TP53RK: variants seen among roughly 807,000 people sequenced by gnomAD.
The protein encoded by TP53RK is TP53 regulating kinase, also known as EKC/KEOPS complex subunit TP53RK.
Under a neutral mutation model 14.9 loss-of-function variants are expected in TP53RK, and 17 were observed. The ratio of observed to expected loss-of-function variants is 1.14; its 90% CI spans 0.78 to 1.71. TP53RK has a LOEUF of 1.71. Ranked by LOEUF, TP53RK falls within the 40% of genes most tolerant of loss-of-function variation. The pLI, the probability that TP53RK is intolerant of heterozygous loss-of-function variation, is 0.00. For missense variants in TP53RK, 343 were observed against 332.0 expected, an observed-to-expected ratio of 1.03 and a Z score of -0.26; for synonymous variants, 131 against 138.0, an observed-to-expected ratio of 0.95 and a Z score of 0.36.
chr20:46,688,305 T>C (rs1600644239), intron 1 of TP53RK, among the ~76,000 whole-genome samples: 1 of 152,142 alleles, frequency 6.6e-6, no homozygotes, highest in African/African-American at 2.4e-5. Flanking sequence ...TGGTACCCAC[T>C]GGTACCTAAA....
At chr20:46,689,075 C>T (rs1600644592) in intron 1 of TP53RK, 57 bp downstream of exon 1, 6 of 1,341,394 alleles carry the variant, frequency 4.5e-6, no homozygotes, top group East Asian at 3.1e-5. Flanking sequence ...GAGTCCCTCA[C>T]CCGCCCAGGC....
chr20:46,687,785 T>C (rs1047894121), intron 1 of TP53RK, among the ~76,000 whole-genome samples: 1 of 152,114 alleles, frequency 6.6e-6, no homozygotes, highest in African/African-American at 2.4e-5. Context: ...GGTGACAAAG[T>C]GAGACACTGT....
Position 46,685,675 on chromosome 20 carries a change from T to C in TP53RK, c.*1078A>G, listed in dbSNP as rs758731370. ...GGCGCTGTGTCTGTCTGGCTCACCA[T>C]TGTACCCAATACCCAACAGGGTGCC... On this transcript the variant is annotated 3_prime_UTR_variant, in exon 2 of 2. Coordinates refer to ENST00000372114, the MANE Select transcript of TP53RK (RefSeq NM_033550.4). 7 of 152,226 alleles carry C rather than the reference T, an allele frequency of 4.6e-5. No homozygotes were observed. The highest frequency in any genetic ancestry group is 8.8e-5 in the Non-Finnish European group (6 of 68,038). The allele number at this position is 152,226 out of a possible 1,614,324, so 9.4% of individuals were successfully genotyped here. A position where few individuals can be genotyped will look rare whatever the true frequency, so the allele number is the denominator to read the frequency against.
In TP53RK at chr20:46,689,435, C is replaced by G; in HGVS notation, c.-21G>C. On this transcript the variant is annotated 5_prime_UTR_variant, in exon 1 of 2. Transcript: ENST00000372114. ...GCCATGACTGCTCGGCGCAACAGCT[C>G]CAACCGATCAGCTGTCTCTGAAAAC... The G allele has an allele frequency of 6.6e-7, 1 of 1,509,626 alleles. No individual in the cohort carries two copies. The highest frequency in any genetic ancestry group is 8.8e-7 in the Non-Finnish European group (1 of 1,141,150). 93.5% of individuals were successfully genotyped at this position (1,509,626 alleles called of 1,614,324 possible).
chr20:46,689,248 G>T lies in TP53RK; in HGVS notation c.167C>A (p.Ala56Glu). The T allele has an allele frequency of 3.9e-6, 6 of 1,532,982 alleles. No homozygotes were observed. The highest frequency in any genetic ancestry group is 5.2e-6 in the Non-Finnish European group (6 of 1,146,304). The allele number at this position is 1,532,982 out of a possible 1,614,324, so 95.0% of individuals were successfully genotyped here. A position where few individuals can be genotyped will look rare whatever the true frequency, so the allele number is the denominator to read the frequency against. The change falls in exon 1 of 2, where the codon GCG (alanine) becomes GAG (glutamate). Residue 56 changes from alanine (A) to glutamate (E), a missense_variant. Physicochemically the swap from Ala to Glu is moderately radical, Grantham distance 107. Coordinates refer to ENST00000372114, the MANE Select transcript of TP53RK (RefSeq NM_033550.4). ...RVFRGRFQGRAAVIKHRFPKG... is the reference protein window; with the variant it reads ...RVFRGRFQGREAVIKHRFPKG... The stretch of plus-strand genomic sequence containing the variant: ...GGGGAAGCGGTGCTTGATCACCGCC[G>T]CGCGGCCCTGGAAGCGGCCACGGAA...
rs34983477 is a variant in TP53RK, at chr20:46,687,147, C to T, written c.368G>A (p.Arg123Gln). Residue 123 changes from arginine (R) to glutamine (Q), a missense_variant, in exon 2 of 2, where the codon CGA (arginine) becomes CAA (glutamine). Coordinates refer to ENST00000372114, the MANE Select transcript of TP53RK (RefSeq NM_033550.4). ...CTCCATAGTGGACTGAATATAATCT[C>T]GAACAGTCACTGAGCCTTCAATTTC... ...MEEIEGSVTV[R>Q]DYIQSTMETE... The T allele has an allele frequency of 0.04, 65,360 of 1,613,970 alleles. 1,605 individuals are homozygous for T. Among genetic ancestry groups the T allele is most frequent in the Admixed American group, 0.082 (4,901 of 60,016 alleles).
Position 46,689,208 on chromosome 20 carries a change from G to A in TP53RK, c.207C>T (p.His69=). Reference sequence around the variant, plus strand: ...TGCCAAGCCGCGCCTCCAGCGCCGGGTGCCGGTAGCCCTTGGGGAAGCGGT... The same window carrying A: ...TGCCAAGCCGCGCCTCCAGCGCCGGATGCCGGTAGCCCTTGGGGAAGCGGT... ...IKHRFPKGYR[H]PALEARLGRR... The change falls in exon 1 of 2, where the codon CAC becomes CAT. Residue 69 remains histidine, a synonymous_variant. Coordinates refer to ENST00000372114, the MANE Select transcript of TP53RK (RefSeq NM_033550.4). 6.6e-7 allele frequency: 1 copy of A among 1,524,464 alleles called. No homozygotes were observed. Among genetic ancestry groups the A allele is most frequent in the South Asian group, 1.2e-5 (1 of 82,578 alleles). 94.4% of individuals were successfully genotyped at this position (1,524,464 alleles called of 1,614,324 possible).
Position 46,686,788 on chromosome 20 carries a change from G to T in TP53RK, c.727C>A (p.Arg243Ser). ...ATGGACCTCTTTCTTCCTCTCAGGCGCACTTCATCTAATTTTTTTAGCACT... is the reference window on the plus strand; with the variant it reads ...ATGGACCTCTTTCTTCCTCTCAGGCTCACTTCATCTAATTTTTTTAGCACT... ...RPVLKKLDEV[R>S]LRGRKRSMVG Residue 243 changes from arginine to serine, a missense_variant, in exon 2 of 2, where the codon CGC becomes AGC. By Grantham distance (110) the Arg-to-Ser change is moderately radical. Coordinates refer to ENST00000372114, the MANE Select transcript of TP53RK (RefSeq NM_033550.4). 6.2e-7 allele frequency: 1 copy of T among 1,614,074 alleles called. No homozygotes were observed. The highest frequency in any genetic ancestry group is 8.5e-7 in the Non-Finnish European group (1 of 1,179,982).
At position 46,686,915 on chromosome 20, in the gene TP53RK, G is replaced by A. The variant is rs201352271; in HGVS notation, c.600C>T (p.Leu200=). 6.2e-7 allele frequency: 1 copy of A among 1,614,190 alleles called. No homozygotes were observed. The highest frequency in any genetic ancestry group is 8.5e-7 in the Non-Finnish European group (1 of 1,180,036). Residue 200 remains leucine (L), a synonymous_variant, in exon 2 of 2, where the codon CTC becomes CTT. Coordinates refer to ENST00000372114, the MANE Select transcript of TP53RK (RefSeq NM_033550.4). ...SALPEDKGVD[L]YVLEKAFLST... ...TGAGGAAGGCCTTCTCCAGGACATAGAGGTCTACTCCCTTATCCTCTGGAA... is the reference window on the plus strand; with the variant it reads ...TGAGGAAGGCCTTCTCCAGGACATAAAGGTCTACTCCCTTATCCTCTGGAA...
rs759647587 is a variant in TP53RK at position 46,689,324 on chromosome 20, G to C, written c.91C>G (p.Arg31Gly). The C allele has an allele frequency of 1.2e-5, 19 of 1,559,964 alleles. No individual in the cohort carries two copies. In the Middle Eastern group the frequency reaches 8.6e-4, roughly 71 times the overall value. Residue 31 changes from arginine (R) to glycine (G), a missense_variant, in exon 1 of 2, where the codon CGC becomes GGC. Coordinates refer to ENST00000372114, the MANE Select transcript of TP53RK (RefSeq NM_033550.4). ...ACCAGCTCCAGGCCGCTCAAGAAGC[G>C]GCTGCTCCGCTCCCGGGCTGCGGCC... is the stretch of plus-strand genomic sequence containing the variant. ...ALAAARERSS[R>G]FLSGLELVKQ...
chr20:46,688,570 G>A (rs1479468456), intron 1 of TP53RK, among the ~76,000 whole-genome samples: 1 of 152,252 alleles, frequency 6.6e-6, no homozygotes, highest in African/African-American at 2.4e-5. Context: ...GCACACATTT[G>A]AACATAATAC....
At position 46,686,712 on chromosome 20, in the gene TP53RK, A is replaced by G. The variant is rs76988402; in HGVS notation, c.*41T>C. Reference sequence around the variant, plus strand: ...GTAGCATTTCTTCAAATTTACTTTGAAAAAAGAGCTTCACTGTGTGTGGTT... The same window carrying G: ...GTAGCATTTCTTCAAATTTACTTTGGAAAAAGAGCTTCACTGTGTGTGGTT... On this transcript the variant is annotated 3_prime_UTR_variant, in exon 2 of 2. Coordinates refer to ENST00000372114, the MANE Select transcript of TP53RK (RefSeq NM_033550.4). 5.6e-4 allele frequency: 843 copies of G among 1,510,872 alleles called. 9 individuals are homozygous for G. The African/African-American group carries it at 0.01, about 19-fold the overall frequency. The allele number at this position is 1,510,872 out of a possible 1,614,324, so 93.6% of individuals were successfully genotyped here.
rs1004585471 is a variant in TP53RK at position 46,685,207 on chromosome 20, G to A, written c.*1546C>T. ...GCACTTGGGGCATGCTGACTGTGGT[G>A]AATGAAACAGACAGGGTACTGGTCC... On this transcript the variant is annotated 3_prime_UTR_variant, in exon 2 of 2. Transcript: ENST00000372114. 1 of 152,262 alleles carries A rather than the reference G, an allele frequency of 6.6e-6. No homozygotes were observed. The highest frequency in any genetic ancestry group is 1.5e-5 in the Non-Finnish European group (1 of 68,058). 9.4% of individuals were successfully genotyped at this position (152,262 alleles called of 1,614,324 possible). A position where few individuals can be genotyped will look rare whatever the true frequency, so the allele number is the denominator to read the frequency against.
chr20:46,687,280 T>C (rs1374315374), intron 1 of TP53RK, 49 bp from the exon 2 acceptor site: 1 of 1,465,374 alleles, frequency 6.8e-7, no homozygotes, highest in Non-Finnish European at 9.2e-7. Context: ...TTTTAACGGG[T>C]AAACTTAATT....
rs1568971909 is a variant in TP53RK, at chr20:46,686,956, T to C, written c.559A>G (p.Ser187Gly). The change falls in exon 2 of 2, where the codon AGT becomes GGT. Residue 187 changes from serine to glycine, a missense_variant. Coordinates refer to ENST00000372114, the MANE Select transcript of TP53RK (RefSeq NM_033550.4). ...LNIVLIDFGL[S>G]FISALPEDKG... ...TCCTCTGGAAGTGCTGAAATGAAAC[T>C]CAGCCCAAAGTCTATGAGCACAATG... The C allele has an allele frequency of 6.2e-7, 1 of 1,614,150 alleles. No individual in the cohort carries two copies. Among genetic ancestry groups the C allele is most frequent in the Non-Finnish European group, 8.5e-7 (1 of 1,180,016 alleles).
rs765115107 is a variant in TP53RK, at chr20:46,689,229, G to A, written c.186C>T (p.Arg62=). 5.2e-6 allele frequency: 8 copies of A among 1,529,728 alleles called. No homozygotes were observed. The East Asian group carries it at 1.7e-4, about 33-fold the overall frequency. 94.8% of individuals were successfully genotyped at this position (1,529,728 alleles called of 1,614,324 possible). A position where few individuals can be genotyped will look rare whatever the true frequency, so the allele number is the denominator to read the frequency against. The change falls in exon 1 of 2, where the codon CGC becomes CGT. Residue 62 remains arginine (R), a synonymous_variant. Transcript: ENST00000372114. Reference sequence around the variant, plus strand: ...CCGGGTGCCGGTAGCCCTTGGGGAAGCGGTGCTTGATCACCGCCGCGCGGC... The same window carrying A: ...CCGGGTGCCGGTAGCCCTTGGGGAAACGGTGCTTGATCACCGCCGCGCGGC... ...FQGRAAVIKH[R]FPKGYRHPAL... is the part of the protein sequence containing the mutation.
Position 46,689,383 on chromosome 20 carries a change from T to G in TP53RK, c.32A>C (p.Asp11Ala). ...AGCCTCCGGGGCGGGCTCCTCGCCA[T>G]CGGCCGGCGTAGTAGCTCTGGCCGC... MAAARATTPA[D>A]GEEPAPEAEA... The change falls in exon 1 of 2, where the codon GAT becomes GCT. Residue 11 changes from aspartate to alanine, a missense_variant. Transcript: ENST00000372114. The G allele has an allele frequency of 6.4e-7, 1 of 1,570,164 alleles. No homozygotes were observed. The highest frequency in any genetic ancestry group is 8.6e-7 in the Non-Finnish European group (1 of 1,168,886).
chr20:46,688,183 T>C (rs557136924), intron 1 of TP53RK, among the ~76,000 whole-genome samples: 1 of 152,164 alleles, frequency 6.6e-6, no homozygotes, highest in Non-Finnish European at 1.5e-5. Context: ...AACAGAAATA[T>C]GAATACACAA....
rs1415397911 is a variant in TP53RK, at chr20:46,686,326, T to A, written c.*427A>T. On this transcript the variant is annotated 3_prime_UTR_variant, in exon 2 of 2. Transcript: ENST00000372114. ...TTCATTTTTTAAAATGCTGGTTGTA[T>A]CCCATTAAACTGGTTTCAAAATAAA... 6.0e-6 allele frequency: 1 copy of A among 167,372 alleles called. No homozygotes were observed. The highest frequency in any genetic ancestry group is 1.6e-4 in the East Asian group (1 of 6,396). 10.4% of individuals were successfully genotyped at this position (167,372 alleles called of 1,614,324 possible).
Sources: gnomAD v4.1 joint callset for allele counts (sites outside exome capture counted in the v4.1 genomes callset) on GRCh38, gnomAD v4.1.1 for gene constraint, MANE v1.5 for transcripts, NCBI Gene and HGNC (gene_info 2026-07-23, HGNC 2026-07-21) for gene names.